FMN2: variants seen among roughly 807,000 people sequenced by gnomAD.
The protein encoded by FMN2 is formin-2.
A neutral mutation model predicts 142.3 loss-of-function variants in FMN2; 51 were observed. The ratio of observed to expected loss-of-function variants is 0.36; its 90% CI spans 0.29 to 0.45. FMN2 has a LOEUF of 0.45. FMN2 is among the 20% of genes least tolerant of loss of function. The probability of loss-of-function intolerance (pLI) is 1.00; values close to 1 mark genes in which losing one functional copy is unlikely to be tolerated. For synonymous variants in FMN2, 882 were observed against 869.8 expected (o/e 1.01, Z -0.25); for missense variants, 1,936 against 2,122.8 (o/e 0.91, Z 1.73).
chr1:240,387,908 T>C (rs966529702), intron 14 of FMN2, among the ~76,000 whole-genome samples: 6 of 152,050 alleles, frequency 3.9e-5, no homozygotes, highest in Admixed American at 2.0e-4. Context: ...CCAGGCACGG[T>C]GGCTCATGCC....
At chr1:240,155,626 A>G (rs1663991536) in intron 2 of FMN2, among the ~76,000 whole-genome samples, 1 of 152,172 alleles carries the variant, frequency 6.6e-6, no homozygotes, top group African/African-American at 2.4e-5. Flanking sequence ...GATTGAGATG[A>G]ATAAGAAACA....
At chr1:240,443,915 A>G (rs1310955078) in intron 16 of FMN2, among the ~76,000 whole-genome samples, 3 of 152,194 alleles carry the variant, frequency 2.0e-5, no homozygotes, top group Non-Finnish European at 4.4e-5. Context: ...AGGCATTGGC[A>G]TGACTGTCAC....
chr1:240,307,502 G>T (rs1187908833), intron 8 of FMN2, among the ~76,000 whole-genome samples: 2 of 152,184 alleles, frequency 1.3e-5, no homozygotes, highest in African/African-American at 4.8e-5. Context: ...TGAACAGGGT[G>T]TCCTTTCTCC....
At chr1:240,318,456 G>A (rs1670862900) in intron 8 of FMN2, among the ~76,000 whole-genome samples, 1 of 151,440 alleles carries the variant, frequency 6.6e-6, no homozygotes, top group African/African-American at 2.4e-5. Context: ...CAGGTTCTAA[G>A]CTTCTTTAGC....
At chr1:240,330,797 T>G in intron 11 of FMN2, 48 bp downstream of exon 11, 1 of 1,591,072 alleles carries the variant, frequency 6.3e-7, no homozygotes, top group Non-Finnish European at 8.6e-7. Flanking sequence ...GAGTCAAGGT[T>G]TTGTTTAGTA....
intron 8 of FMN2, among the ~76,000 whole-genome samples, chr1:240,325,606 A>G (rs1351756358): frequency 3.3e-5 from 5 of 152,130 alleles, no homozygotes; most frequent in African/African-American, 9.7e-5. Flanking sequence ...GCAGACATGT[A>G]CTGAGTGGTG....
In FMN2 at chr1:240,428,437, G is replaced by T. The variant is rs139483420; in HGVS notation, c.4911-9624G>T. Among the ~76,000 whole-genome samples the T allele has an allele frequency of 3.1e-3, 467 of 151,516 alleles. 2 individuals are homozygous for T. Among genetic ancestry groups the T allele is most frequent in the Admixed American group, 8.3e-3 (126 of 15,214 alleles). ...AGATGAGGTCTTGCTATGTTGCTCA[G>T]GCTGGTCTCAAACTCCTGGCTTGAA... On this transcript the variant is annotated intron_variant, in intron 15 of 17. Coordinates refer to ENST00000319653, the MANE Select transcript of FMN2 (RefSeq NM_020066.5).
chr1:240,256,156 G>A (rs954977148), intron 6 of FMN2, among the ~76,000 whole-genome samples: 3 of 152,070 alleles, frequency 2.0e-5, no homozygotes, highest in African/African-American at 4.8e-5. Flanking sequence ...GATTCAGCCC[G>A]GATTGCACTG....
chr1:240,401,956 A>G (rs554171489), intron 15 of FMN2, among the ~76,000 whole-genome samples: 1 of 152,288 alleles, frequency 6.6e-6, no homozygotes, highest in South Asian at 2.1e-4. Context: ...CCTTTCTTTC[A>G]TCCTCCAGGG....
At chr1:240,392,450 C>G (rs375226819) in intron 14 of FMN2, 61 bp from the exon 15 acceptor site, 12 of 1,389,422 alleles carry the variant, frequency 8.6e-6, no homozygotes, top group Non-Finnish European at 1.1e-5. Flanking sequence ...GCAGATGTTG[C>G]TTGAAATAGT....
chr1:240,093,541 G>T lies in FMN2; in HGVS notation c.1432G>T (p.Gly478Cys). Residue 478 changes from glycine to cysteine, a missense_variant, in exon 1 of 18, where the codon GGC becomes TGC. By Grantham distance (159) the Gly-to-Cys change is radical (BLOSUM62 -3). Around this residue, in one of 8 missense-constraint regions of FMN2, gnomAD observed 751 missense variants for 791.8 expected, o/e 0.95. Coordinates refer to ENST00000319653, the MANE Select transcript of FMN2 (RefSeq NM_020066.5). ...KHRADGGLAA[G>C]LSRSADWTEE... is the part of the protein sequence containing the mutation. The stretch of plus-strand genomic sequence containing the variant: ...CCGGGCCGACGGCGGCCTTGCGGCC[G>T]GCCTGAGCCGCTCGGCTGACTGGAC... 6.5e-7 allele frequency: 1 copy of T among 1,548,792 alleles called. No homozygotes were observed. The highest frequency in any genetic ancestry group is 2.0e-5 in the Admixed American group (1 of 49,008).
chr1:240,336,237 A>G (rs773533166), intron 13 of FMN2, among the ~76,000 whole-genome samples: 50 of 152,166 alleles, frequency 3.3e-4, no homozygotes, highest in Non-Finnish European at 4.6e-4. Context: ...TTTGCCACCT[A>G]CAAGTGCTAG....
rs752375308 is a variant in FMN2 at position 240,093,415 on chromosome 1, T to C, written c.1306T>C (p.Ser436Pro). 6.2e-7 allele frequency: 1 copy of C among 1,613,228 alleles called. No individual in the cohort carries two copies. The highest frequency in any genetic ancestry group is 1.7e-5 in the Admixed American group (1 of 59,962). ...LSSPNHSPSQ[S>P]PNQSPRIKRR... is the part of the protein sequence containing the mutation. ...CTCGCCCAATCACTCCCCGTCTCAG[T>C]CCCCTAATCAGAGCCCCAGGATCAA... is the stretch of plus-strand genomic sequence containing the variant. Residue 436 changes from serine (S) to proline (P), a missense_variant, in exon 1 of 18, where the codon TCC becomes CCC. Ser to Pro is a moderately conservative substitution (Grantham distance 74). Around this residue, in one of 8 missense-constraint regions of FMN2, gnomAD observed 751 missense variants for 791.8 expected, o/e 0.95. Transcript: ENST00000319653.
At chr1:240,340,536 G>A (rs1399361606) in intron 13 of FMN2, among the ~76,000 whole-genome samples, 1 of 152,064 alleles carries the variant, frequency 6.6e-6, no homozygotes, top group East Asian at 1.9e-4. Context: ...AGTGAAGATT[G>A]TACCACTGCA....
At chr1:240,366,550 T>A (rs72767926) in intron 14 of FMN2, among the ~76,000 whole-genome samples, 3,094 of 151,398 alleles carry the variant, frequency 0.02, 48 homozygotes, top group South Asian at 0.029. Flanking sequence ...TTTTTTTTTT[T>A]AAATTTGAGA....
rs527352352 is a variant in FMN2 at position 240,302,139 on chromosome 1, C to A, written c.4215+7256C>A. Among the ~76,000 whole-genome samples the A allele has an allele frequency of 3.3e-4, 50 of 151,972 alleles. No individual in the cohort carries two copies. In the South Asian group the frequency reaches 9.1e-3, roughly 28 times the overall value. On this transcript the variant is annotated intron_variant, in intron 8 of 17. Coordinates refer to ENST00000319653, the MANE Select transcript of FMN2 (RefSeq NM_020066.5). ...TGCTGTCTTTATTCTTTTATTCAAC[C>A]TCTCAAATGAAAACATTTTATTTCT...
At chr1:240,221,346 T>C (rs112026482) in intron 6 of FMN2, among the ~76,000 whole-genome samples, 112,222 of 151,920 alleles carry the variant, frequency 0.74, 42,557 homozygotes, top group African/African-American at 0.88. Flanking sequence ...AGTGTAAAAG[T>C]GTTCCTATTT....
At chr1:240,153,207 G>A (rs60138154) in intron 2 of FMN2, among the ~76,000 whole-genome samples, 26,473 of 152,004 alleles carry the variant, frequency 0.17, 2,520 homozygotes, top group Middle Eastern at 0.28. Context: ...AACGTGGGCT[G>A]TAAAGGGGCT....
At chr1:240,193,193 T>C (rs927386514) in intron 4 of FMN2, among the ~76,000 whole-genome samples, 3 of 152,154 alleles carry the variant, frequency 2.0e-5, no homozygotes, top group African/African-American at 7.2e-5. Flanking sequence ...GCTAATCCAA[T>C]GGGGGTCGTG....
Sources: allele counts gnomAD v4.1 joint callset (sites outside exome capture counted in the v4.1 genomes callset), GRCh38; gene constraint gnomAD v4.1.1; regional missense constraint gnomAD v4.1.1; transcripts MANE v1.5; gene names NCBI Gene and HGNC (gene_info 2026-07-23, HGNC 2026-07-21).